The following ITIH6 variants were observed in gnomAD, a reference collection of about 807,000 sequenced individuals.
ITIH6 encodes inter-alpha-trypsin inhibitor heavy chain family member 6.
In ITIH6, 60 loss-of-function variants were observed where a neutral mutation model predicts 58.2. That is an observed-to-expected ratio of 1.03 (90% CI 0.84 to 1.28). The LOEUF (loss-of-function observed/expected upper bound fraction) is 1.28, where lower values mean the gene tolerates loss of function less well. Among genes scored for constraint, ITIH6 ranks in the 50% most tolerant of loss-of-function variants. The pLI is 0.00. For synonymous variants in ITIH6, 493 were observed against 417.4 expected, an observed-to-expected ratio of 1.18 and a Z score of -2.21; for missense variants, 1,290 against 1,021.1, an observed-to-expected ratio of 1.26 and a Z score of -3.59.
chrX:54,793,074 C>A (rs1194096035), intron 2 of ITIH6, among the ~76,000 whole-genome samples: 2 of 111,386 alleles, frequency 1.8e-5, no homozygotes, highest in Non-Finnish European at 3.8e-5. Flanking sequence ...AGATGCCTCC[C>A]AAATATGTAT....
intron 6 of ITIH6, among the ~76,000 whole-genome samples, chrX:54,766,268 T>C (rs1222430699): frequency 1.9e-5 from 2 of 102,705 alleles, no homozygotes; most frequent in African/African-American, 7.2e-5. Flanking sequence ...AAGTTGCTTA[T>C]CAGCTTAAGG....
At chrX:54,759,277 C>G (rs1011149993) in intron 7 of ITIH6, among the ~76,000 whole-genome samples, 2 of 110,588 alleles carry the variant, frequency 1.8e-5, no homozygotes, top group Non-Finnish European at 3.8e-5. Flanking sequence ...GTCTCATTCC[C>G]GAGCCAGACT....
At chrX:54,750,901 C>T in intron 12 of ITIH6, 102 bp downstream of exon 12, 1 of 884,890 alleles carries the variant, frequency 1.1e-6, no homozygotes, top group Non-Finnish European at 1.5e-6. Flanking sequence ...GAGTCTGTTG[C>T]TGATTCCTCT....
intron 6 of ITIH6, among the ~76,000 whole-genome samples, chrX:54,770,890 A>T: frequency 8.9e-6 from 1 of 111,819 alleles, no homozygotes; most frequent in Non-Finnish European, 1.9e-5. Context: ...AAGCAGGTTT[A>T]TTGGTGACAA....
intron 6 of ITIH6, among the ~76,000 whole-genome samples, chrX:54,761,840 G>A (rs772504622): frequency 8.9e-6 from 1 of 111,972 alleles, no homozygotes; most frequent in African/African-American, 3.3e-5. Context: ...GGTTACTGTA[G>A]CCTTGTAGTA....
intron 6 of ITIH6, among the ~76,000 whole-genome samples, chrX:54,763,847 A>C (rs1004517648): frequency 8.9e-6 from 1 of 111,980 alleles, no homozygotes; most frequent in Non-Finnish European, 1.9e-5. Flanking sequence ...ATATTTTGGT[A>C]TGTTGTTCGT....
chrX:54,753,725 G>A lies in ITIH6; in HGVS notation c.3278C>T (p.Ser1093Leu). 4 of 1,211,269 alleles carry A rather than the reference G, an allele frequency of 3.3e-6. No homozygotes were observed. Among genetic ancestry groups the A allele is most frequent in the Non-Finnish European group, 4.5e-6 (4 of 895,154 alleles). The change falls in exon 11 of 13, where the codon TCA becomes TTA. Residue 1093 changes from serine (S) to leucine (L), a missense_variant. Coordinates refer to ENST00000218436, the MANE Select transcript of ITIH6 (RefSeq NM_198510.3). ...DPHFVIQIPH[S>L]EEKICFTLNG... ...CAGTGTGAAGCAGATCTTCTCTTCT[G>A]AGTGTGGGATTTGGATCACAAAGTG... is the stretch of plus-strand genomic sequence containing the variant.
intron 5 of ITIH6, among the ~76,000 whole-genome samples, chrX:54,779,435 G>T (rs1929110419): frequency 9.0e-6 from 1 of 111,429 alleles, no homozygotes; most frequent in East Asian, 2.8e-4. Flanking sequence ...CTTTTTGTTT[G>T]TTTGTTAGTG....
In ITIH6 at chrX:54,750,038, C is replaced by T. The variant is rs1928321377; in HGVS notation, c.3799G>A (p.Gly1267Ser). The T allele has an allele frequency of 5.0e-6, 6 of 1,211,300 alleles. No homozygotes were observed. Among genetic ancestry groups the T allele is most frequent in the Non-Finnish European group, 6.7e-6 (6 of 895,151 alleles). The change falls in exon 13 of 13, where the codon GGC (glycine) becomes AGC (serine). Residue 1267 changes from glycine to serine, a missense_variant. Transcript: ENST00000218436. Reference protein sequence around the residue: ...PMGPCLRRHHGPDVPVILGKR... With the variant: ...PMGPCLRRHHSPDVPVILGKR... ...CCTAGAATCACAGGCACATCTGGGC[C>T]ATGGTGCCTTCGTAAGCATGGCCCC...
At chrX:54,769,558 G>T (rs2147610405) in intron 6 of ITIH6, among the ~76,000 whole-genome samples, 1 of 106,618 alleles carries the variant, frequency 9.4e-6, no homozygotes, top group Admixed American at 1.0e-4. Context: ...TGGGTTTTCA[G>T]TGTGGATGTC....
intron 6 of ITIH6, among the ~76,000 whole-genome samples, chrX:54,770,931 CTTTA>C (rs1049911491): frequency 3.6e-5 from 4 of 110,969 alleles, no homozygotes; most frequent in Non-Finnish European, 7.6e-5. Context: ...TTGAGAAAGT[CTTTA>C]TTTTTTTTTC....
At chrX:54,756,443 A>T (rs760851618) in intron 8 of ITIH6, among the ~76,000 whole-genome samples, 1 of 112,293 alleles carries the variant, frequency 8.9e-6, no homozygotes, top group Non-Finnish European at 1.9e-5. Context: ...GGACAAGTAC[A>T]GTATGTAGAG....
intron 5 of ITIH6, among the ~76,000 whole-genome samples, chrX:54,774,918 G>A (rs1328002376): frequency 8.9e-6 from 1 of 111,816 alleles, no homozygotes; most frequent in Non-Finnish European, 1.9e-5. Context: ...AGGGATGTCT[G>A]TGCTGGCTGA....
intron 6 of ITIH6, among the ~76,000 whole-genome samples, chrX:54,762,683 C>T (rs1376858728): frequency 8.9e-6 from 1 of 112,166 alleles, no homozygotes; most frequent in Non-Finnish European, 1.9e-5. Context: ...TATTCCCTGT[C>T]CCAGTCTGTT....
intron 6 of ITIH6, among the ~76,000 whole-genome samples, chrX:54,769,614 G>T (rs1443477065): frequency 9.7e-6 from 1 of 103,440 alleles, no homozygotes. Context: ...ACCCTCAGCT[G>T]CAGGTCTGTT....
At position 54,758,249 on chromosome X, in the gene ITIH6, C is replaced by A. The variant is rs1197961671; in HGVS notation, c.1825G>T (p.Val609Phe). 1 of 1,210,937 alleles carries A rather than the reference C, an allele frequency of 8.3e-7. No individual in the cohort carries two copies. Among genetic ancestry groups the A allele is most frequent in the East Asian group, 3.0e-5 (1 of 33,799 alleles). ...YNFVTPLTSL[V>F]MVQPKQASEE... ...CTGGCCTGTTTGGGTTGCACCATGA[C>A]CAGTGAAGTCAGAGGTGTGACAAAG... Residue 609 changes from valine to phenylalanine, a missense_variant, in exon 8 of 13, where the codon GTC becomes TTC. Transcript: ENST00000218436.
chrX:54,760,500 T>C (rs1928612235), intron 6 of ITIH6, among the ~76,000 whole-genome samples: 1 of 111,580 alleles, frequency 9.0e-6, no homozygotes. Flanking sequence ...GCAGGTTTGT[T>C]ACATATGTAT....
At chrX:54,792,725 T>G (rs985102433) in intron 2 of ITIH6, among the ~76,000 whole-genome samples, 1 of 111,350 alleles carries the variant, frequency 9.0e-6, no homozygotes, top group African/African-American at 3.3e-5. Flanking sequence ...TTCTCCCCAT[T>G]TCTCTAAGGA....
chrX:54,780,492 T>A (rs2147616076), intron 5 of ITIH6, among the ~76,000 whole-genome samples: 1 of 111,816 alleles, frequency 8.9e-6, no homozygotes, highest in South Asian at 3.7e-4. Flanking sequence ...AAAGACAACA[T>A]GCCAAAACCT....
Sources: gnomAD v4.1 joint callset for allele counts (sites outside exome capture counted in the v4.1 genomes callset) on GRCh38, gnomAD v4.1.1 for gene constraint, MANE v1.5 for transcripts, NCBI Gene and HGNC (gene_info 2026-07-23, HGNC 2026-07-21) for gene names.